Variants in PARD3 observed in about 807,000 individuals in gnomAD.
PARD3 encodes the protein par-3 family cell polarity regulator.
PARD3 carries 75 observed loss-of-function variants against 155.4 expected under a neutral mutation model. That is an observed-to-expected ratio of 0.48 (90% confidence interval 0.40 to 0.58). The LOEUF is 0.58. Ranked by LOEUF, PARD3 falls within the 20% of genes least tolerant of loss-of-function variation. The probability of loss-of-function intolerance (pLI) is 0.00; values close to 1 mark genes in which losing one functional copy is unlikely to be tolerated. For missense variants in PARD3, 1,642 were observed against 1,721.7 expected (o/e 0.95, Z 0.82); for synonymous variants, 576 against 610.5 (o/e 0.94, Z 0.83).
At chr10:34,808,013 A>C (rs1375443493) in intron 1 of PARD3, among the ~76,000 whole-genome samples, 4 of 152,216 alleles carry the variant, frequency 2.6e-5, no homozygotes, top group African/African-American at 9.7e-5. Flanking sequence ...AGTTATTTTT[A>C]CTTATTTGCT....
intron 1 of PARD3, among the ~76,000 whole-genome samples, chr10:34,783,260 C>G (rs1056064263): frequency 6.6e-6 from 1 of 152,044 alleles, no homozygotes; most frequent in African/African-American, 2.4e-5. Context: ...GATTGGCCTC[C>G]ATTTTTATTT....
chr10:34,806,189 T>G (rs531530975), intron 1 of PARD3, among the ~76,000 whole-genome samples: 16 of 139,496 alleles, frequency 1.1e-4, no homozygotes, highest in Non-Finnish European at 2.2e-4. Context: ...CACAACCATG[T>G]CTGGCTAATT....
chr10:34,789,363 G>A (rs1363968785), intron 1 of PARD3, among the ~76,000 whole-genome samples: 1 of 152,116 alleles, frequency 6.6e-6, no homozygotes, highest in East Asian at 1.9e-4. Flanking sequence ...AAGTAACTAG[G>A]AACAACTGTG....
chr10:34,704,513 T>G (rs1213662382), intron 1 of PARD3, among the ~76,000 whole-genome samples: 2 of 152,162 alleles, frequency 1.3e-5, no homozygotes, highest in Admixed American at 1.3e-4. Flanking sequence ...AGTGGGGGCA[T>G]AGCACACATA....
At chr10:34,782,511 T>C (rs1469896102) in intron 1 of PARD3, among the ~76,000 whole-genome samples, 1 of 152,186 alleles carries the variant, frequency 6.6e-6, no homozygotes, top group African/African-American at 2.4e-5. Context: ...ATAACTTTAA[T>C]CCTCACAACG....
chr10:34,269,305 C>A (rs1178095655), intron 22 of PARD3, among the ~76,000 whole-genome samples: 2 of 152,164 alleles, frequency 1.3e-5, no homozygotes, highest in African/African-American at 4.8e-5. Flanking sequence ...TTAATTGCCA[C>A]ACCTAGAGGC....
At chr10:34,681,697 TTATATTTTATATA>T (rs1429052006) in intron 2 of PARD3, among the ~76,000 whole-genome samples, 1 of 138,140 alleles carries the variant, frequency 7.2e-6, no homozygotes, top group East Asian at 2.0e-4. Flanking sequence ...AATTAGATTT[TTATATTTTATATA>T]TGTATTTTAC....
chr10:34,111,504 G>A lies in PARD3; in HGVS notation c.3727C>T (p.Pro1243Ser). 6.2e-7 allele frequency: 1 copy of A among 1,614,028 alleles called. No homozygotes were observed. The highest frequency in any genetic ancestry group is 8.5e-7 in the Non-Finnish European group (1 of 1,179,952). The stretch of plus-strand genomic sequence containing the variant: ...TTGGCACTCTGGAAGCCTTCCCCAG[G>A]GGAGTAGTTCTGCTCCCAAGAGTCC... ...SQDSWEQNYS[P>S]GEGFQSAKEN... The change falls in exon 25 of 25, where the codon CCT (proline) becomes TCT (serine). Residue 1243 changes from proline (P) to serine (S), a missense_variant. By Grantham distance (74) the Pro-to-Ser change is moderately conservative. This residue lies in a region of PARD3 where 1,529 missense variants were observed against 1,587.3 expected (regional missense o/e 0.96). Coordinates refer to ENST00000374788, the MANE Select transcript of PARD3 (RefSeq NM_001184785.2).
intron 22 of PARD3, among the ~76,000 whole-genome samples, chr10:34,211,461 C>T (rs764353847): frequency 1.2e-4 from 18 of 152,230 alleles, no homozygotes; most frequent in East Asian, 1.9e-4. Flanking sequence ...AAAGCAGAAA[C>T]GACAGAGGAA....
intron 1 of PARD3, among the ~76,000 whole-genome samples, chr10:34,725,329 T>C (rs1319182946): frequency 6.6e-6 from 1 of 152,030 alleles, no homozygotes; most frequent in African/African-American, 2.4e-5. Context: ...ATTTTTGTAT[T>C]TTTAGTAGAG....
intron 2 of PARD3, among the ~76,000 whole-genome samples, chr10:34,605,954 A>C (rs1156306711): frequency 2.4e-5 from 3 of 122,940 alleles, no homozygotes; most frequent in African/African-American, 6.4e-5. Context: ...TCTCCTATAT[A>C]TATATATCTC....
At chr10:34,578,469 A>T (rs1365587494) in intron 2 of PARD3, among the ~76,000 whole-genome samples, 4 of 152,222 alleles carry the variant, frequency 2.6e-5, no homozygotes, top group African/African-American at 9.6e-5. Flanking sequence ...GAGCAACAGA[A>T]TTGTCAAAGA....
intron 1 of PARD3, among the ~76,000 whole-genome samples, chr10:34,704,905 CA>C (rs2094340185): frequency 6.6e-6 from 1 of 152,116 alleles, no homozygotes; most frequent in South Asian, 2.1e-4. Context: ...GAAAACATTT[CA>C]TTTTTTTGTT....
chr10:34,376,569 T>TA (rs1246090200), intron 10 of PARD3, among the ~76,000 whole-genome samples: 6 of 152,196 alleles, frequency 3.9e-5, no homozygotes, highest in African/African-American at 1.4e-4. Context: ...AGCAGGACCC[T>TA]AACATAATTT....
At chr10:34,594,498 G>A (rs921693081) in intron 2 of PARD3, among the ~76,000 whole-genome samples, 1 of 151,818 alleles carries the variant, frequency 6.6e-6, no homozygotes, top group African/African-American at 2.4e-5. Flanking sequence ...CTCTCACCTG[G>A]CTATGCAAGA....
chr10:34,242,114 G>T (rs1953641599), intron 22 of PARD3, among the ~76,000 whole-genome samples: 1 of 152,146 alleles, frequency 6.6e-6, no homozygotes. Context: ...CTTCGCATTT[G>T]AATTCACTCC....
At chr10:34,627,189 A>G (rs2092020611) in intron 2 of PARD3, among the ~76,000 whole-genome samples, 1 of 152,046 alleles carries the variant, frequency 6.6e-6, no homozygotes, top group South Asian at 2.1e-4. Flanking sequence ...CACCACAACA[A>G]GATAATTTTC....
At chr10:34,506,757 A>C (rs2081090639) in intron 3 of PARD3, among the ~76,000 whole-genome samples, 1 of 152,242 alleles carries the variant, frequency 6.6e-6, no homozygotes, top group Non-Finnish European at 1.5e-5. Flanking sequence ...AGGCAAATTA[A>C]AAAATAATTT....
At chr10:34,346,341 T>C (rs1346509732) in intron 15 of PARD3, 4 of 1,282,372 alleles carry the variant, frequency 3.1e-6, no homozygotes, top group Middle Eastern at 2.2e-4. Flanking sequence ...GTTTGAGTTT[T>C]AGTTTTAGTT....
Sources: gnomAD v4.1 joint callset for allele counts (sites outside exome capture counted in the v4.1 genomes callset) on GRCh38, gnomAD v4.1.1 for gene constraint, gnomAD v4.1.1 regional missense constraint, MANE v1.5 for transcripts, NCBI Gene and HGNC (gene_info 2026-07-23, HGNC 2026-07-21) for gene names.